The following STOX1 variants were observed in gnomAD, a reference collection of about 807,000 sequenced individuals.
STOX1 encodes the protein storkhead-box protein 1.
A neutral mutation model predicts 74.8 loss-of-function variants in STOX1; 57 were observed. The ratio of observed to expected loss-of-function variants is 0.76; its 90% CI spans 0.62 to 0.95. STOX1 has a LOEUF of 0.95. STOX1 is among the 40% of genes least tolerant of loss of function. STOX1 has a pLI of 0.00. For missense variants in STOX1, 1,010 were observed against 1,117.0 expected (o/e 0.90, Z 1.37); for synonymous variants, 375 against 401.3 (o/e 0.93, Z 0.78).
rs2131999609 is a variant in STOX1, at chr10:68,886,393, A to G, written c.2597A>G (p.Glu866Gly). ...DYYSARKASF[E>G]AEVIQDTIGD... is the part of the protein sequence containing the mutation. ...TATAGCGCAAGAAAAGCCAGTTTTG[A>G]AGCTGAAGTCATACAAGACACTATT... The change falls in exon 3 of 4, where the codon GAA becomes GGA. Residue 866 changes from glutamate (E) to glycine (G), a missense_variant. Coordinates refer to ENST00000298596, the MANE Select transcript of STOX1 (RefSeq NM_152709.5). The G allele has an allele frequency of 1.2e-6, 2 of 1,614,220 alleles. No individual in the cohort carries two copies. Among genetic ancestry groups the G allele is most frequent in the Non-Finnish European group, 1.7e-6 (2 of 1,180,034 alleles).
At chr10:68,869,249 T>C (rs1400277373) in intron 1 of STOX1, among the ~76,000 whole-genome samples, 2 of 152,184 alleles carry the variant, frequency 1.3e-5, no homozygotes, top group Non-Finnish European at 2.9e-5. Flanking sequence ...TCAAAGCCCA[T>C]TGAGTGTGAG....
intron 1 of STOX1, among the ~76,000 whole-genome samples, chr10:68,858,998 C>T (rs1011396504): frequency 5.9e-5 from 9 of 152,064 alleles, no homozygotes; most frequent in African/African-American, 1.5e-4. Context: ...TGCTGGGCTT[C>T]GTCACCTCCA....
intron 1 of STOX1, among the ~76,000 whole-genome samples, chr10:68,844,415 C>T (rs1042328268): frequency 1.3e-5 from 2 of 150,280 alleles, no homozygotes; most frequent in Non-Finnish European, 2.9e-5. Flanking sequence ...CCTCCTGGCT[C>T]AGCCTCCTGA....
chr10:68,828,280 G>T, intron 1 of STOX1: 1 of 1,166,642 alleles, frequency 8.6e-7, no homozygotes, highest in Non-Finnish European at 1.1e-6. Flanking sequence ...GTGAGTGCGG[G>T]ACCCGGAGGG....
rs550317461 is a variant in STOX1, at chr10:68,889,437, A to G, written c.2822+2819A>G. On this transcript the variant is annotated intron_variant, in intron 3 of 3. Coordinates refer to ENST00000298596, the MANE Select transcript of STOX1 (RefSeq NM_152709.5). ...GCCTCCCAGTTGTGGGATTGCAGGC[A>G]TGAGCCCTGTACCAGGGCTTAATAA... Among the ~76,000 whole-genome samples, 9 of 152,262 alleles carry G rather than the reference A, an allele frequency of 5.9e-5. No individual in the cohort carries two copies. The East Asian group carries it at 1.7e-3, about 29-fold the overall frequency.
intron 1 of STOX1, among the ~76,000 whole-genome samples, chr10:68,868,827 G>A (rs1015535575): frequency 3.3e-5 from 5 of 152,204 alleles, no homozygotes; most frequent in Admixed American, 6.5e-5. Flanking sequence ...GTTAAAAAGC[G>A]CTGATATCAG....
chr10:68,893,454 G>GT (rs1446639339), downstream of STOX1, among the ~76,000 whole-genome samples: 1 of 152,134 alleles, frequency 6.6e-6, no homozygotes, highest in Non-Finnish European at 1.5e-5. Context: ...GTCTTGCTCT[G>GT]TTGCCCAGGC....
At chr10:68,851,833 T>C (rs1839992897) in intron 1 of STOX1, among the ~76,000 whole-genome samples, 1 of 151,542 alleles carries the variant, frequency 6.6e-6, no homozygotes, top group Non-Finnish European at 1.5e-5. Flanking sequence ...AGAGCGAGAC[T>C]CTTGTCTTAA....
chr10:68,869,564 G>T (rs966525313), intron 1 of STOX1, among the ~76,000 whole-genome samples: 1 of 152,050 alleles, frequency 6.6e-6, no homozygotes, highest in East Asian at 1.9e-4. Flanking sequence ...GTAGGTGGGG[G>T]ATACAGGGAC....
chr10:68,829,708 C>A (rs886291136), intron 1 of STOX1, among the ~76,000 whole-genome samples: 1 of 152,042 alleles, frequency 6.6e-6, no homozygotes, highest in African/African-American at 2.4e-5. Flanking sequence ...TCTGTTCCCT[C>A]TCCTCCCCAC....
chr10:68,875,892 T>G (rs1744811381), intron 1 of STOX1, among the ~76,000 whole-genome samples: 1 of 152,162 alleles, frequency 6.6e-6, no homozygotes, highest in African/African-American at 2.4e-5. Flanking sequence ...GGGCCTGCTC[T>G]AGACTTCACT....
Position 68,886,422 on chromosome 10 carries a change from G to A in STOX1, c.2626G>A (p.Asp876Asn), listed in dbSNP as rs1000587481. ...TGAAGTCATACAAGACACTATTGGT[G>A]ACACAGGAAAGAAGCCAGCTAGCTG... is the stretch of plus-strand genomic sequence containing the variant. ...EAEVIQDTIGDTGKKPASWSQ... is the reference protein window; with the variant it reads ...EAEVIQDTIGNTGKKPASWSQ... The change falls in exon 3 of 4, where the codon GAC (aspartate) becomes AAC (asparagine). Residue 876 changes from aspartate (D) to asparagine (N), a missense_variant. By Grantham distance (23) the Asp-to-Asn change is conservative. Transcript: ENST00000298596. The A allele has an allele frequency of 1.2e-6, 2 of 1,614,172 alleles. No individual in the cohort carries two copies. The highest frequency in any genetic ancestry group is 1.6e-4 in the Middle Eastern group (1 of 6,062).
At chr10:68,839,459 G>T (rs1193242230) in intron 1 of STOX1, among the ~76,000 whole-genome samples, 3 of 151,548 alleles carry the variant, frequency 2.0e-5, no homozygotes, top group African/African-American at 7.3e-5. Flanking sequence ...CTGGGCTCAA[G>T]CAATCCTCCC....
At chr10:68,866,086 G>A (rs1381420768) in intron 1 of STOX1, among the ~76,000 whole-genome samples, 5 of 151,974 alleles carry the variant, frequency 3.3e-5, no homozygotes, top group Non-Finnish European at 7.4e-5. Context: ...ATCATAGATT[G>A]ACTTTGAGGG....
downstream of STOX1, among the ~76,000 whole-genome samples, chr10:68,893,583 A>C (rs1841143464): frequency 6.6e-6 from 1 of 151,958 alleles, no homozygotes. Context: ...ACACCCGGCA[A>C]ATTTTTTGTA....
At chr10:68,868,697 C>G (rs1057109734) in intron 1 of STOX1, among the ~76,000 whole-genome samples, 1 of 152,166 alleles carries the variant, frequency 6.6e-6, no homozygotes, top group Admixed American at 6.5e-5. Context: ...AAAGAAAAGT[C>G]AGAATTGGCC....
intron 1 of STOX1, among the ~76,000 whole-genome samples, chr10:68,842,910 C>T (rs994477061): frequency 5.3e-5 from 8 of 152,076 alleles, no homozygotes; most frequent in African/African-American, 9.7e-5. Context: ...GTAAACCAAA[C>T]GAGCCTTTGA....
intron 1 of STOX1, among the ~76,000 whole-genome samples, chr10:68,834,033 A>G (rs1363518138): frequency 2.0e-5 from 3 of 152,158 alleles, no homozygotes; most frequent in Admixed American, 6.6e-5. Context: ...TGGGTACTGC[A>G]GTTTCTGCCT....
intron 1 of STOX1, among the ~76,000 whole-genome samples, chr10:68,858,710 G>C (rs1840187888): frequency 6.6e-6 from 1 of 152,030 alleles, no homozygotes; most frequent in Non-Finnish European, 1.5e-5. Flanking sequence ...CAATGGGGTA[G>C]AGTGGCTAAG....
Sources: gnomAD v4.1 joint callset for allele counts (sites outside exome capture counted in the v4.1 genomes callset) on GRCh38, gnomAD v4.1.1 for gene constraint, MANE v1.5 for transcripts, NCBI Gene and HGNC (gene_info 2026-07-23, HGNC 2026-07-21) for gene names.